The following ZNF536 variants were observed in gnomAD, a reference collection of about 807,000 sequenced individuals.
ZNF536 encodes zinc finger protein 536.
ZNF536 carries 13 observed loss-of-function variants against 84.5 expected under a neutral mutation model. The observed-to-expected ratio is 0.15, with a 90% CI of 0.10 to 0.24. The LOEUF is 0.24. ZNF536 is among the 10% of genes least tolerant of loss of function. The pLI, the probability that ZNF536 is intolerant of heterozygous loss-of-function variation, is 1.00. For synonymous variants in ZNF536, 811 were observed against 742.5 expected, an observed-to-expected ratio of 1.09 and a Z score of -1.50; for missense variants, 1,536 against 1,747.5, an observed-to-expected ratio of 0.88 and a Z score of 2.16.
Position 30,262,240 on chromosome 19 carries a change from T to C in ZNF536, c.-189-21832T>C, listed in dbSNP as rs149934857. ...TGAGCCTGCCTGGCTGGTCTCCTCA[T>C]TGTCCTCTCTTCCTCCTTTTCCATG... On this transcript the variant is annotated intron_variant, in intron 1 of 5. Transcript: ENST00000585628. Among the ~76,000 whole-genome samples the C allele has an allele frequency of 5.4e-4, 83 of 152,360 alleles. No homozygotes were observed. In the East Asian group the frequency reaches 0.016, roughly 29 times the overall value.
At chr19:30,272,223 G>T (rs56897154) in intron 1 of ZNF536, among the ~76,000 whole-genome samples, 3 of 151,896 alleles carry the variant, frequency 2.0e-5, no homozygotes, top group South Asian at 2.1e-4. Context: ...GATAGGTAAA[G>T]TTCCTATCCC....
Position 30,436,968 on chromosome 19 carries a change from G to A in ZNF536, c.-2-6593G>A, listed in dbSNP as rs774536226. Among the ~76,000 whole-genome samples the A allele has an allele frequency of 4.0e-4, 61 of 152,060 alleles. 1 individual carries two copies. The highest frequency in any genetic ancestry group is 3.2e-3 in the Admixed American group (49 of 15,272). The stretch of plus-strand genomic sequence containing the variant: ...CCGAGGTAGCAGTTTCACCCACGTC[G>A]ATGAAAAAGGGAATATATTTAGTTG... On this transcript the variant is annotated intron_variant, in intron 1 of 4. Transcript: ENST00000355537.
intron 1 of ZNF536, among the ~76,000 whole-genome samples, chr19:30,383,701 C>CTTTCTCTT (rs1555737833): frequency 6.1e-4 from 7 of 11,544 alleles, no homozygotes; most frequent in South Asian, 1.6e-3. Flanking sequence ...TCTTTTCTTT[C>CTTTCTCTT]TCTTTCTTTC....
intron 2 of ZNF536, among the ~76,000 whole-genome samples, chr19:30,528,294 C>T (rs868308099): frequency 3.9e-5 from 6 of 152,020 alleles, no homozygotes; most frequent in African/African-American, 1.4e-4. Context: ...AGGCTGCCAG[C>T]GAGTTGGGAT....
At chr19:30,490,170 T>C (rs895493952) in intron 2 of ZNF536, among the ~76,000 whole-genome samples, 1 of 152,078 alleles carries the variant, frequency 6.6e-6, no homozygotes, top group African/African-American at 2.4e-5. Context: ...CTTTTTTTTT[T>C]AACCAAGTTG....
chr19:30,446,548 C>T (rs2052358437), intron 2 of ZNF536, among the ~76,000 whole-genome samples: 1 of 152,110 alleles, frequency 6.6e-6, no homozygotes, highest in Non-Finnish European at 1.5e-5. Context: ...CCTCCCCAAG[C>T]CAAACCTATC....
chr19:30,549,430 T>G lies in ZNF536; in HGVS notation c.3811T>G (p.Tyr1271Asp). The G allele has an allele frequency of 6.4e-7, 1 of 1,570,034 alleles. No individual in the cohort carries two copies. Among genetic ancestry groups the G allele is most frequent in the Non-Finnish European group, 8.6e-7 (1 of 1,159,528 alleles). The change falls in exon 4 of 5, where the codon TAC (tyrosine) becomes GAC (aspartate). Residue 1271 changes from tyrosine (Y) to aspartate (D), a missense_variant. By Grantham distance (160) the Tyr-to-Asp change is radical. Coordinates refer to ENST00000355537, the MANE Select transcript of ZNF536 (RefSeq NM_014717.3). Reference sequence around the variant, plus strand: ...GAACATGCTGTCGGTCCTCAGGGCCTACAGTTCTGATGGCTTAGCAGCCTT... The same window carrying G: ...GAACATGCTGTCGGTCCTCAGGGCCGACAGTTCTGATGGCTTAGCAGCCTT... ...PMNMLSVLRA[Y>D]SSDGLAAFNG...
chr19:30,303,646 G>T (rs772985992), intron 2 of ZNF536, among the ~76,000 whole-genome samples: 10 of 152,066 alleles, frequency 6.6e-5, no homozygotes, highest in Non-Finnish European at 1.5e-4. Context: ...GGGATTACAG[G>T]TGCCGGCCAC....
At chr19:30,335,124 G>A (rs1015962414) in intron 2 of ZNF536, among the ~76,000 whole-genome samples, 8 of 152,202 alleles carry the variant, frequency 5.3e-5, no homozygotes, top group Non-Finnish European at 1.5e-5. Flanking sequence ...GAGGAGTCAC[G>A]CAGGAGGCAG....
intron 2 of ZNF536, among the ~76,000 whole-genome samples, chr19:30,335,353 G>A (rs762613571): frequency 6.6e-5 from 10 of 152,074 alleles, no homozygotes; most frequent in South Asian, 2.1e-4. Context: ...CTTTAATCTC[G>A]ATGATGGAAG....
At position 30,404,733 on chromosome 19, in the gene ZNF536, GC is replaced by G. The variant is rs1002520285; in HGVS notation, c.-3+32178del. 8.6e-5 allele frequency among the ~76,000 whole-genome samples: 13 copies of G among 151,366 alleles called. 1 individual carries two copies. Among genetic ancestry groups the G allele is most frequent in the South Asian group, 4.2e-4 (2 of 4,804 alleles). On this transcript the variant is annotated intron_variant, in intron 1 of 4. Coordinates refer to ENST00000355537, the MANE Select transcript of ZNF536 (RefSeq NM_014717.3). ...GACTTCTGTGACCAAATGTCCGGAG[GC>G]GGGGGGGCTCCTCAACACACCCAGC...
chr19:30,297,903 T>TCCC (rs11291289), intron 2 of ZNF536, among the ~76,000 whole-genome samples: 47 of 126,346 alleles, frequency 3.7e-4, no homozygotes, highest in African/African-American at 1.4e-3. Context: ...CAAGACGGAG[T>TCCC]CCCCCCCCCC....
At chr19:30,226,733 T>C (rs142354061), upstream of ZNF536, among the ~76,000 whole-genome samples, 571 of 152,162 alleles carry the variant, frequency 3.8e-3, 5 homozygotes, top group African/African-American at 0.013. This position sits in a 1 kb window ranked among gnomAD's most constrained non-coding sequence, Gnocchi z 4.6. Context: ...AGTCCCAGGC[T>C]GGAGAAATGA....
chr19:30,691,996 C>T (rs2051430838), intron 1 of ZNF536, among the ~76,000 whole-genome samples: 1 of 152,218 alleles, frequency 6.6e-6, no homozygotes, highest in South Asian at 2.1e-4. Context: ...GTCTTTGTCT[C>T]TGCAGGCGGT....
intron 1 of ZNF536, among the ~76,000 whole-genome samples, chr19:30,394,705 A>G (rs969648643): frequency 2.0e-5 from 3 of 151,180 alleles, no homozygotes; most frequent in African/African-American, 7.3e-5. Flanking sequence ...TTGCTTTTCT[A>G]CTCCCAGTTC....
chr19:30,377,373 T>G (rs2048857708), intron 1 of ZNF536, among the ~76,000 whole-genome samples: 1 of 152,120 alleles, frequency 6.6e-6, no homozygotes, highest in South Asian at 2.1e-4. Flanking sequence ...GCTTCTGTGG[T>G]CGCCAGAATG....
intron 2 of ZNF536, among the ~76,000 whole-genome samples, chr19:30,348,394 T>C (rs1451029717): frequency 6.6e-6 from 1 of 152,004 alleles, no homozygotes; most frequent in Non-Finnish European, 1.5e-5. Flanking sequence ...CTGGGAGAGG[T>C]GCAGGCTAAA....
At chr19:30,528,366 T>C (rs1813530662) in intron 2 of ZNF536, among the ~76,000 whole-genome samples, 1 of 152,180 alleles carries the variant, frequency 6.6e-6, no homozygotes, top group Non-Finnish European at 1.5e-5. Context: ...TTTCTCTTTG[T>C]CCTCTCACTC....
intron 1 of ZNF536, among the ~76,000 whole-genome samples, chr19:30,372,783 G>A (rs2048658352): frequency 6.6e-6 from 1 of 151,950 alleles, no homozygotes; most frequent in South Asian, 2.1e-4. Context: ...CCATCCGATG[G>A]TTAAAACTTT....
Sources: allele counts gnomAD v4.1 joint callset (sites outside exome capture counted in the v4.1 genomes callset), GRCh38; gene constraint gnomAD v4.1.1; non-coding constraint Gnocchi (gnomAD v3.1); transcripts MANE v1.5; gene names NCBI Gene and HGNC (gene_info 2026-07-23, HGNC 2026-07-21).